MAGI1: variants seen among roughly 807,000 people sequenced by gnomAD.
The protein encoded by MAGI1 is membrane associated guanylate kinase, WW and PDZ domain containing 1, also known as membrane-associated guanylate kinase, WW and PDZ domain-containing protein 1.
In MAGI1, 58 loss-of-function variants were observed where a neutral mutation model predicts 139.9. The observed-to-expected ratio is 0.41, with a 90% CI of 0.34 to 0.52. The LOEUF is 0.52. Among genes scored for constraint, MAGI1 ranks in the 20% least tolerant of loss-of-function variants. The pLI is 0.12. For synonymous variants in MAGI1, 812 were observed against 737.9 expected (o/e 1.10, Z -1.63); for missense variants, 1,874 against 1,901.6 (o/e 0.99, Z 0.27).
chr3:65,515,794 T>A (rs746904710), intron 2 of MAGI1, among the ~76,000 whole-genome samples: 4 of 152,144 alleles, frequency 2.6e-5, no homozygotes, highest in Non-Finnish European at 4.4e-5. Context: ...CACCAAATCA[T>A]ATGGTCCAAT....
intron 2 of MAGI1, among the ~76,000 whole-genome samples, chr3:65,619,147 G>A (rs373563497): frequency 4.6e-5 from 7 of 152,244 alleles, no homozygotes; most frequent in South Asian, 4.1e-4. Context: ...CAACAACGCC[G>A]TTACAAATTT....
intron 1 of MAGI1, among the ~76,000 whole-genome samples, chr3:65,817,730 T>G (rs1341536938): frequency 6.6e-6 from 1 of 152,198 alleles, no homozygotes; most frequent in Non-Finnish European, 1.5e-5. Context: ...CCATTCCTAT[T>G]CTGCTCTATG....
At chr3:65,689,152 A>C (rs945389316) in intron 1 of MAGI1, among the ~76,000 whole-genome samples, 15 of 152,240 alleles carry the variant, frequency 9.9e-5, no homozygotes, top group African/African-American at 3.6e-4. Context: ...AGTCTCTTCA[A>C]GGGAAAACAA....
intron 1 of MAGI1, among the ~76,000 whole-genome samples, chr3:65,812,649 C>T (rs1382249254): frequency 1.3e-5 from 2 of 148,712 alleles, no homozygotes; most frequent in African/African-American, 5.0e-5. Context: ...CAAAGAAATG[C>T]TAGACCACAT....
chr3:65,439,693 T>C (rs1948112575), intron 9 of MAGI1, among the ~76,000 whole-genome samples, 186 bp downstream of exon 9: 1 of 152,156 alleles, frequency 6.6e-6, no homozygotes, highest in South Asian at 2.1e-4. Context: ...AATTAGGATC[T>C]CCACTTTGGC....
intron 1 of MAGI1, among the ~76,000 whole-genome samples, chr3:65,982,400 G>T (rs181571254): frequency 1.3e-5 from 2 of 152,166 alleles, no homozygotes; most frequent in Admixed American, 1.3e-4. Flanking sequence ...TCCTGCTCTT[G>T]ACCTTTCTCC....
At chr3:65,681,426 C>A (rs933002800) in intron 1 of MAGI1, among the ~76,000 whole-genome samples, 3 of 152,138 alleles carry the variant, frequency 2.0e-5, no homozygotes, top group Admixed American at 2.0e-4. Context: ...TATTTTAGAA[C>A]GTGAGTTATA....
chr3:65,680,325 C>A (rs1480773024), intron 1 of MAGI1, among the ~76,000 whole-genome samples: 1 of 152,170 alleles, frequency 6.6e-6, no homozygotes, highest in Non-Finnish European at 1.5e-5. Flanking sequence ...TGATCTGTCT[C>A]TGATTTGAAT....
rs570760367 is a variant in MAGI1, at chr3:65,561,217, T to C, written c.430+60755A>G. 2.6e-5 allele frequency among the ~76,000 whole-genome samples: 4 copies of C among 152,320 alleles called. No homozygotes were observed. In the South Asian group the frequency reaches 8.3e-4, roughly 32 times the overall value. ...TCTTTTTCTATCAATAAATCTTCCC[T>C]ATTTGGCAGAGCTATGAGTTATTCA... is the stretch of plus-strand genomic sequence containing the variant. On this transcript the variant is annotated intron_variant, in intron 2 of 22. Coordinates refer to ENST00000402939, the MANE Select transcript of MAGI1 (RefSeq NM_001033057.2).
chr3:65,739,262 A>C (rs2035050909), intron 1 of MAGI1, among the ~76,000 whole-genome samples: 1 of 152,220 alleles, frequency 6.6e-6, no homozygotes, highest in Non-Finnish European at 1.5e-5. Flanking sequence ...GGCCAGCTTC[A>C]AACTTTTCTT....
intron 2 of MAGI1, among the ~76,000 whole-genome samples, chr3:65,517,572 C>T (rs114106833): frequency 1.5e-3 from 228 of 152,324 alleles, no homozygotes; most frequent in Non-Finnish European, 2.7e-3. Flanking sequence ...GGACTAGCTA[C>T]TTCCCATATG....
At chr3:65,695,284 C>A (rs1296523099) in intron 1 of MAGI1, among the ~76,000 whole-genome samples, 31 of 152,152 alleles carry the variant, frequency 2.0e-4, no homozygotes, top group Admixed American at 2.0e-3. Flanking sequence ...AAAGTTCGGC[C>A]TGATTCAGGC....
chr3:65,693,654 G>A (rs76972992), intron 1 of MAGI1, among the ~76,000 whole-genome samples: 24,025 of 152,124 alleles, frequency 0.16, 2,565 homozygotes, highest in Non-Finnish European at 0.24. Context: ...GATCCAAGAA[G>A]ACCAGCAGAT....
chr3:66,012,540 T>G (rs932824016), intron 1 of MAGI1, among the ~76,000 whole-genome samples: 2 of 151,392 alleles, frequency 1.3e-5, no homozygotes, highest in African/African-American at 4.9e-5. Flanking sequence ...CTGAGGCGAG[T>G]GGATCACTTG....
At chr3:65,521,500 T>C (rs947695292) in intron 2 of MAGI1, among the ~76,000 whole-genome samples, 18 of 152,318 alleles carry the variant, frequency 1.2e-4, no homozygotes, top group Middle Eastern at 6.8e-3. Flanking sequence ...AACATGCCAT[T>C]AGTTTATGAA....
At chr3:65,734,092 T>C (rs1055108338) in intron 1 of MAGI1, among the ~76,000 whole-genome samples, 3 of 152,208 alleles carry the variant, frequency 2.0e-5, no homozygotes, top group African/African-American at 7.2e-5. Flanking sequence ...ATTTTTCCCA[T>C]GGCTGACAGG....
intron 1 of MAGI1, among the ~76,000 whole-genome samples, chr3:65,951,303 C>A (rs2063852182): frequency 6.6e-6 from 1 of 152,118 alleles, no homozygotes; most frequent in African/African-American, 2.4e-5. Flanking sequence ...TTGAATTTCT[C>A]GTTTTATTTC....
At chr3:65,910,948 C>A (rs577870532) in intron 1 of MAGI1, among the ~76,000 whole-genome samples, 2 of 141,176 alleles carry the variant, frequency 1.4e-5, no homozygotes, top group East Asian at 4.5e-4. Flanking sequence ...ACCTCTGCCT[C>A]CTGGGTTCAA....
At chr3:65,413,681 T>G (rs1197079873) in intron 12 of MAGI1, among the ~76,000 whole-genome samples, 1 of 152,182 alleles carries the variant, frequency 6.6e-6, no homozygotes, top group Admixed American at 6.5e-5. Context: ...TGGGCTTTGT[T>G]CAGCTATTAG....
Sources: allele counts gnomAD v4.1 joint callset (sites outside exome capture counted in the v4.1 genomes callset), GRCh38; gene constraint gnomAD v4.1.1; transcripts MANE v1.5; gene names NCBI Gene and HGNC (gene_info 2026-07-23, HGNC 2026-07-21).